TEX26: variants seen among roughly 807,000 people sequenced by gnomAD.
The protein encoded by TEX26 is testis-expressed protein 26.
In TEX26, 34 loss-of-function variants were observed where a neutral mutation model predicts 35.3. The observed-to-expected ratio is 0.96, with a 90% CI of 0.73 to 1.28. The LOEUF (loss-of-function observed/expected upper bound fraction) is 1.28, where lower values mean the gene tolerates loss of function less well. TEX26 is among the 50% of genes most tolerant of loss of function. TEX26 has a pLI of 0.00. For synonymous variants in TEX26, 136 were observed against 111.8 expected (o/e 1.22, Z -1.36); for missense variants, 371 against 330.1 (o/e 1.12, Z -0.96).
intron 6 of TEX26, among the ~76,000 whole-genome samples, chr13:30,969,826 GT>G (rs1954656769): frequency 6.6e-6 from 1 of 151,492 alleles, no homozygotes; most frequent in African/African-American, 2.4e-5. Flanking sequence ...CATACAAACT[GT>G]TACAGAAGGA....
intron 4 of TEX26, among the ~76,000 whole-genome samples, chr13:30,957,487 A>G (rs1954182589): frequency 6.6e-6 from 1 of 152,202 alleles, no homozygotes; most frequent in South Asian, 2.1e-4. Context: ...AAGAGTTTGG[A>G]GTTCATCCCA....
intron 5 of TEX26, among the ~76,000 whole-genome samples, chr13:30,968,414 A>T (rs75053557): frequency 0.03 from 4,636 of 152,326 alleles, 253 homozygotes; most frequent in African/African-American, 0.11. Context: ...GCCAGGCTTC[A>T]TCAGTGCAGA....
chr13:30,973,172 T>C (rs1031910207), intron 6 of TEX26: 2 of 152,240 alleles, frequency 1.3e-5, no homozygotes, highest in Non-Finnish European at 2.9e-5. Flanking sequence ...AACTGTGATA[T>C]ATTCATATAA....
chr13:30,963,170 T>C (rs545754148), intron 4 of TEX26, among the ~76,000 whole-genome samples: 6 of 152,118 alleles, frequency 3.9e-5, no homozygotes, highest in Non-Finnish European at 7.4e-5. Flanking sequence ...GACTTACTTT[T>C]GGTTTGGGCC....
intron 2 of TEX26, among the ~76,000 whole-genome samples, chr13:30,951,101 C>T (rs1208486488): frequency 6.6e-6 from 1 of 152,122 alleles, no homozygotes; most frequent in Non-Finnish European, 1.5e-5. Context: ...GTGGTCCCAG[C>T]TACTTGGGAG....
rs572023920 is a variant in TEX26, at chr13:30,933,765, G to T, written c.61+989G>T. On this transcript the variant is annotated intron_variant, in intron 1 of 6. Transcript: ENST00000380473. ...AGGGAGGATCCCCTCCTAGCATCCC[G>T]ACAGCACCCCTTTGGATGCTTCTCT... The T allele has an allele frequency of 2.6e-5, 4 of 152,214 alleles. No homozygotes were observed. The East Asian group carries it at 7.7e-4, about 29-fold the overall frequency. The allele number at this position is 152,214 out of a possible 1,614,324, so 9.4% of individuals were successfully genotyped here. A position where few individuals can be genotyped will look rare whatever the true frequency, so the allele number is the denominator to read the frequency against.
At chr13:30,957,578 G>A (rs1290779651) in intron 4 of TEX26, among the ~76,000 whole-genome samples, 1 of 152,208 alleles carries the variant, frequency 6.6e-6, no homozygotes, top group Non-Finnish European at 1.5e-5. Context: ...GCTGCAGAGT[G>A]AAGAATGGAG....
rs1181468110 is a variant in TEX26 at position 30,974,255 on chromosome 13, C to T, written c.809-591C>T. On this transcript the variant is annotated intron_variant, in intron 6 of 6. Transcript: ENST00000380473. ...CAGGGAGGGGGAGTTGAAGGGCCTT[C>T]CCAAGGTCAAACAGTTACCATTCAA... 3.3e-5 allele frequency among the ~76,000 whole-genome samples: 5 copies of T among 150,962 alleles called. No homozygotes were observed. The East Asian group carries it at 9.7e-4, about 29-fold the overall frequency.
intron 4 of TEX26, among the ~76,000 whole-genome samples, chr13:30,964,309 A>G (rs1014325645): frequency 6.6e-6 from 1 of 152,196 alleles, no homozygotes; most frequent in Admixed American, 6.5e-5. Context: ...GACCCTTCCC[A>G]GGTGATTCTG....
chr13:30,947,207 G>A (rs1362129321), intron 2 of TEX26, among the ~76,000 whole-genome samples: 1 of 151,930 alleles, frequency 6.6e-6, no homozygotes, highest in Non-Finnish European at 1.5e-5. Flanking sequence ...AAATTTTTTT[G>A]CAACTGCATC....
In TEX26 at chr13:30,932,693, C is replaced by T. The variant is rs1322104356; in HGVS notation, c.-23C>T. 2.5e-6 allele frequency: 4 copies of T among 1,610,090 alleles called. No homozygotes were observed. The highest frequency in any genetic ancestry group is 1.1e-5 in the South Asian group (1 of 90,100). ...CGCTGAGATAGCTGGAGCCAGGGCC[C>T]CGCGGCCGCCTCCTGGGGCAGAATG... On this transcript the variant is annotated 5_prime_UTR_variant, in exon 1 of 7. Transcript: ENST00000380473.
intron 1 of TEX26, among the ~76,000 whole-genome samples, chr13:30,934,322 G>C (rs968137416): frequency 6.6e-6 from 1 of 152,208 alleles, no homozygotes; most frequent in African/African-American, 2.4e-5. Flanking sequence ...CCAAATGGTA[G>C]GCTTGATGTG....
At chr13:30,939,614 A>C in intron 1 of TEX26, 80 bp from the exon 2 acceptor site, 1 of 1,324,662 alleles carries the variant, frequency 7.5e-7, no homozygotes, top group Non-Finnish European at 1.1e-6. Flanking sequence ...TCTCTTGCAA[A>C]ATTATCTTAA....
intron 2 of TEX26, among the ~76,000 whole-genome samples, chr13:30,942,306 G>C (rs1299280795): frequency 6.6e-6 from 1 of 151,610 alleles, no homozygotes; most frequent in African/African-American, 2.4e-5. Flanking sequence ...TATGTTTTTG[G>C]CCATTTGTAT....
chr13:30,956,975 C>T lies in TEX26; in HGVS notation c.415C>T (p.Leu139=), dbSNP rs1004818205. The T allele has an allele frequency of 6.2e-7, 1 of 1,614,202 alleles. No homozygotes were observed. The highest frequency in any genetic ancestry group is 8.5e-7 in the Non-Finnish European group (1 of 1,180,038). The change falls in exon 4 of 7, where the codon CTA becomes TTA. Residue 139 remains leucine, a synonymous_variant. Coordinates refer to ENST00000380473, the MANE Select transcript of TEX26 (RefSeq NM_152325.3). The part of the protein sequence containing the change: ...PASMKEVNKA[L]SNQFISLTKR... The stretch of plus-strand genomic sequence containing the variant: ...TTCAATGAAAGAAGTTAACAAGGCA[C>T]TATCAAATCAGTTTATTTCCCTTAC...
intron 2 of TEX26, among the ~76,000 whole-genome samples, chr13:30,950,225 G>T (rs968233744): frequency 2.0e-5 from 3 of 152,184 alleles, no homozygotes; most frequent in African/African-American, 7.2e-5. Context: ...GACCAATATG[G>T]TGAAACCCTG....
chr13:30,954,535 T>G (rs141524327), intron 3 of TEX26, among the ~76,000 whole-genome samples: 1 of 151,886 alleles, frequency 6.6e-6, no homozygotes, highest in Non-Finnish European at 1.5e-5. Context: ...CAGAGGTCAC[T>G]ACAGCCTCGA....
chr13:30,944,081 G>T (rs1427168054), intron 2 of TEX26, among the ~76,000 whole-genome samples: 1 of 151,814 alleles, frequency 6.6e-6, no homozygotes, highest in Non-Finnish European at 1.5e-5. Flanking sequence ...AATCCATCTG[G>T]CCCTGGCTTT....
chr13:30,949,090 A>G (rs1380323739), intron 2 of TEX26, among the ~76,000 whole-genome samples: 1 of 152,066 alleles, frequency 6.6e-6, no homozygotes, highest in African/African-American at 2.4e-5. Flanking sequence ...GTTCTGTTCC[A>G]TTGGTCTATA....
Sources: gnomAD v4.1 joint callset for allele counts (sites outside exome capture counted in the v4.1 genomes callset) on GRCh38, gnomAD v4.1.1 for gene constraint, MANE v1.5 for transcripts, NCBI Gene and HGNC (gene_info 2026-07-23, HGNC 2026-07-21) for gene names.